Variants in SLC30A8 observed in about 807,000 individuals in gnomAD.
SLC30A8 encodes solute carrier family 30 member 8.
In SLC30A8, 27 loss-of-function variants were observed where a neutral mutation model predicts 36.9. The observed-to-expected ratio is 0.73, with a 90% confidence interval of 0.54 to 1.01. SLC30A8 has a LOEUF of 1.01. SLC30A8 is among the 50% of genes least tolerant of loss of function. The probability of loss-of-function intolerance (pLI) is 0.00; values close to 1 mark genes in which losing one functional copy is unlikely to be tolerated. For synonymous variants in SLC30A8, 164 were observed against 172.4 expected, an observed-to-expected ratio of 0.95 and a Z score of 0.38; for missense variants, 439 against 452.0, an observed-to-expected ratio of 0.97 and a Z score of 0.26.
chr8:117,166,519 C>A (rs1391068079), intron 6 of SLC30A8, among the ~76,000 whole-genome samples: 1 of 152,144 alleles, frequency 6.6e-6, no homozygotes, highest in African/African-American at 2.4e-5. Context: ...TCTGAGCCCA[C>A]TCCCACAATT....
intron 2 of SLC30A8, among the ~76,000 whole-genome samples, chr8:117,087,021 A>G (rs1378437666): frequency 6.6e-6 from 1 of 152,330 alleles, no homozygotes; most frequent in South Asian, 2.1e-4. Flanking sequence ...TCACATGGCT[A>G]TCTCCTTCTT....
chr8:116,957,993 C>T (rs145995530), intron 1 of SLC30A8, among the ~76,000 whole-genome samples: 1 of 152,318 alleles, frequency 6.6e-6, no homozygotes, highest in Non-Finnish European at 1.5e-5. Flanking sequence ...TGCCTCGTGT[C>T]AGGGAATCAT....
At chr8:116,960,167 T>C (rs1456944792) in intron 1 of SLC30A8, among the ~76,000 whole-genome samples, 11 of 152,238 alleles carry the variant, frequency 7.2e-5, no homozygotes, top group Admixed American at 7.2e-4. Context: ...TTATTTTGTT[T>C]GTTTCAGGTG....
chr8:117,081,393 C>T (rs1818673973), intron 2 of SLC30A8, among the ~76,000 whole-genome samples: 1 of 152,222 alleles, frequency 6.6e-6, no homozygotes, highest in South Asian at 2.1e-4. Context: ...ACTGTGTTCT[C>T]ACATGACTTT....
At chr8:117,052,295 G>A (rs1028375358) in intron 2 of SLC30A8, among the ~76,000 whole-genome samples, 4 of 152,224 alleles carry the variant, frequency 2.6e-5, no homozygotes, top group Non-Finnish European at 5.9e-5. Context: ...ACAGGCATGA[G>A]CCACTGCGCC....
intron 2 of SLC30A8, among the ~76,000 whole-genome samples, chr8:117,066,691 A>G (rs774044663): frequency 6.6e-6 from 1 of 152,086 alleles, no homozygotes; most frequent in Non-Finnish European, 1.5e-5. Context: ...ATCATCTCAT[A>G]GTGCTAGGAC....
intron 1 of SLC30A8, among the ~76,000 whole-genome samples, chr8:116,982,082 A>G (rs1247553562): frequency 6.6e-6 from 1 of 151,914 alleles, no homozygotes; most frequent in Non-Finnish European, 1.5e-5. Context: ...AGAATCTGTT[A>G]TTTTTTCATT....
chr8:117,074,298 T>C (rs1818424622), intron 2 of SLC30A8, among the ~76,000 whole-genome samples: 1 of 152,162 alleles, frequency 6.6e-6, no homozygotes, highest in Non-Finnish European at 1.5e-5. Flanking sequence ...CATACAATGG[T>C]TTCATTTTGA....
At chr8:117,040,288 A>G (rs907960637) in intron 2 of SLC30A8, among the ~76,000 whole-genome samples, 1 of 152,152 alleles carries the variant, frequency 6.6e-6, no homozygotes, top group Non-Finnish European at 1.5e-5. Flanking sequence ...TGGAATTTCT[A>G]TATAATATTA....
chr8:117,017,770 G>A (rs1816565028), intron 1 of SLC30A8, among the ~76,000 whole-genome samples: 1 of 152,188 alleles, frequency 6.6e-6, no homozygotes, highest in Non-Finnish European at 1.5e-5. Context: ...AAGATTCTGG[G>A]TTGGAGGAGA....
At chr8:117,011,864 G>T (rs1282918106) in intron 1 of SLC30A8, among the ~76,000 whole-genome samples, 1 of 152,142 alleles carries the variant, frequency 6.6e-6, no homozygotes, top group African/African-American at 2.4e-5. Flanking sequence ...TTATGAAAAT[G>T]TTAAGACAGT....
intron 1 of SLC30A8, among the ~76,000 whole-genome samples, chr8:117,025,717 C>T (rs1460207086): frequency 2.0e-5 from 3 of 152,164 alleles, no homozygotes; most frequent in African/African-American, 7.2e-5. Flanking sequence ...GGAACCACAG[C>T]TCTTGAAATC....
chr8:117,162,540 G>GA (rs1245942700), intron 5 of SLC30A8, among the ~76,000 whole-genome samples: 1 of 152,156 alleles, frequency 6.6e-6, no homozygotes. Flanking sequence ...TGGTAATACT[G>GA]ATAACAGAGA....
chr8:117,064,700 A>G (rs1461207618), intron 2 of SLC30A8, among the ~76,000 whole-genome samples: 2 of 152,200 alleles, frequency 1.3e-5, no homozygotes, highest in East Asian at 1.9e-4. Context: ...CCAGAGGAGA[A>G]CACAAGGACC....
chr8:117,006,577 AT>A (rs1816176906), intron 1 of SLC30A8, among the ~76,000 whole-genome samples: 1 of 151,940 alleles, frequency 6.6e-6, no homozygotes, highest in African/African-American at 2.4e-5. Context: ...GTGTCTGACA[AT>A]TTCAGCCTCT....
chr8:117,050,468 T>C (rs1817674829), intron 2 of SLC30A8, among the ~76,000 whole-genome samples: 1 of 151,844 alleles, frequency 6.6e-6, no homozygotes, highest in Admixed American at 6.6e-5. Flanking sequence ...TGCAGTAGCA[T>C]GATCTCAGCT....
At chr8:117,071,123 C>T (rs1168275192) in intron 2 of SLC30A8, among the ~76,000 whole-genome samples, 1 of 152,192 alleles carries the variant, frequency 6.6e-6, no homozygotes, top group Admixed American at 6.5e-5. Context: ...AGCCTCCATA[C>T]TGTTGTCCAT....
chr8:117,161,701 A>AC, intron 4 of SLC30A8, 37 bp from the exon 5 acceptor site: 1 of 1,577,612 alleles, frequency 6.3e-7, no homozygotes, highest in Admixed American at 1.7e-5. Flanking sequence ...TTTAAGACTG[A>AC]CCTCATGTGT....
intron 2 of SLC30A8, among the ~76,000 whole-genome samples, chr8:117,116,360 C>T (rs1820445862): frequency 1.3e-5 from 2 of 151,978 alleles, no homozygotes; most frequent in Non-Finnish European, 2.9e-5. Context: ...AATACTAAAA[C>T]AATACTGATG....
Sources: allele counts gnomAD v4.1 joint callset (sites outside exome capture counted in the v4.1 genomes callset), GRCh38; gene constraint gnomAD v4.1.1; transcripts MANE v1.5; gene names NCBI Gene and HGNC (gene_info 2026-07-23, HGNC 2026-07-21).